CHST1: variants seen among roughly 807,000 people sequenced by gnomAD.
The protein encoded by CHST1 is carbohydrate sulfotransferase 1.
A neutral mutation model predicts 22.5 loss-of-function variants in CHST1; 10 were observed. The ratio of observed to expected loss-of-function variants is 0.44; its 90% CI spans 0.27 to 0.75. The LOEUF is 0.75. Among genes scored for constraint, CHST1 ranks in the 30% least tolerant of loss-of-function variants. CHST1 has a pLI of 0.15. For synonymous variants in CHST1, 267 were observed against 264.5 expected, an observed-to-expected ratio of 1.01 and a Z score of -0.09; for missense variants, 439 against 576.1, an observed-to-expected ratio of 0.76 and a Z score of 2.44.
chr11:45,661,721 A>T (rs1852135916), intron 1 of CHST1, among the ~76,000 whole-genome samples: 1 of 152,154 alleles, frequency 6.6e-6, no homozygotes, highest in South Asian at 2.1e-4. Context: ...TGGGCATGGG[A>T]TGTCTTTAAG....
Position 45,650,065 on chromosome 11 carries a change from G to C in CHST1, c.859C>G (p.Leu287Val). 8.1e-6 allele frequency: 13 copies of C among 1,614,140 alleles called. No individual in the cohort carries two copies. The highest frequency in any genetic ancestry group is 9.3e-6 in the Non-Finnish European group (11 of 1,180,026). ...EDFSNSVSTGLMRPPWLKGKY... is the reference protein window; with the variant it reads ...EDFSNSVSTGVMRPPWLKGKY... Reference sequence around the variant, plus strand: ...CCCTTGAGCCACGGGGGCCGCATGAGGCCGGTGGACACGGAGTTGGAGAAG... The same window carrying C: ...CCCTTGAGCCACGGGGGCCGCATGACGCCGGTGGACACGGAGTTGGAGAAG... Residue 287 changes from leucine to valine, a missense_variant, in exon 4 of 4, where the codon CTC becomes GTC. By Grantham distance (32) the Leu-to-Val change is conservative. Transcript: ENST00000308064.
chr11:45,661,795 C>A (rs1286355997), intron 1 of CHST1, among the ~76,000 whole-genome samples: 1 of 152,144 alleles, frequency 6.6e-6, no homozygotes, highest in Non-Finnish European at 1.5e-5. Context: ...GAGCAGGGAA[C>A]CTGAGGGCCA....
chr11:45,650,011 G>C lies in CHST1; in HGVS notation c.913C>G (p.Leu305Val). The change falls in exon 4 of 4, where the codon CTG becomes GTG. Residue 305 changes from leucine (L) to valine (V), a missense_variant. Leu to Val is a conservative substitution (Grantham distance 32). Coordinates refer to ENST00000308064, the MANE Select transcript of CHST1 (RefSeq NM_003654.6). ...GTCTTCTTCATAGGGTTCCGAGCCA[G>C]GTCCTCGTAGCGCACCAACATGTAC... ...GKYMLVRYED[L>V]ARNPMKKTEE... 1 of 1,614,094 alleles carries C rather than the reference G, an allele frequency of 6.2e-7. No individual in the cohort carries two copies. Among genetic ancestry groups the C allele is most frequent in the South Asian group, 1.1e-5 (1 of 91,084 alleles).
rs766005463 is a variant in CHST1, at chr11:45,650,829, T to C, written c.95A>G (p.His32Arg). The C allele has an allele frequency of 6.2e-7, 1 of 1,607,824 alleles. No homozygotes were observed. The highest frequency in any genetic ancestry group is 1.7e-5 in the Admixed American group (1 of 59,658). ...AIRTFTAKSF[H>R]TCPGLAEAGL... The stretch of plus-strand genomic sequence containing the variant: ...GGCCTCTGCCAGCCCGGGGCAGGTG[T>C]GAAAGGACTTGGCGGTGAAGGTGCG... Residue 32 changes from histidine to arginine, a missense_variant, in exon 4 of 4, where the codon CAC (histidine) becomes CGC (arginine). His to Arg is a conservative substitution (Grantham distance 29). Coordinates refer to ENST00000308064, the MANE Select transcript of CHST1 (RefSeq NM_003654.6).
intron 2 of CHST1, among the ~76,000 whole-genome samples, 156 bp from the exon 3 acceptor site, chr11:45,652,246 G>T (rs1852007735): frequency 1.3e-5 from 2 of 152,244 alleles, no homozygotes; most frequent in South Asian, 2.1e-4. Flanking sequence ...CCCTGACTCA[G>T]CGCCCCAACC....
chr11:45,653,404 G>C (rs963993713), intron 1 of CHST1, among the ~76,000 whole-genome samples: 34 of 152,142 alleles, frequency 2.2e-4, no homozygotes, highest in Non-Finnish European at 3.8e-4. Context: ...CGTGATCAGA[G>C]AAAAACCACA....
intron 1 of CHST1, among the ~76,000 whole-genome samples, chr11:45,655,208 A>G (rs180805316): frequency 2.4e-4 from 37 of 152,326 alleles, no homozygotes; most frequent in African/African-American, 8.4e-4. Context: ...GTGAGGACTA[A>G]TTAGTGAGTA....
In CHST1 at chr11:45,649,779, T is replaced by G. The variant is rs1851966256; in HGVS notation, c.1145A>C (p.Gln382Pro). Residue 382 changes from glutamine to proline, a missense_variant, in exon 4 of 4, where the codon CAG becomes CCG. Physicochemically the swap from Gln to Pro is moderately conservative, Grantham distance 76. Coordinates refer to ENST00000308064, the MANE Select transcript of CHST1 (RefSeq NM_003654.6). ...AQNACQQVLA[Q>P]LGYKIAASEE... ...CGAGGCGGCGATCTTGTAGCCCAGC[T>G]GGGCCAGCACCTGCTGGCAGGCGTT... 2 of 1,611,666 alleles carry G rather than the reference T, an allele frequency of 1.2e-6. No individual in the cohort carries two copies. Among genetic ancestry groups the G allele is most frequent in the Non-Finnish European group, 1.7e-6 (2 of 1,179,748 alleles).
chr11:45,655,523 A>G (rs1205244366), intron 1 of CHST1, among the ~76,000 whole-genome samples: 1 of 152,244 alleles, frequency 6.6e-6, no homozygotes, highest in Non-Finnish European at 1.5e-5. Context: ...ACCTGATGTG[A>G]GGATGCAGCC....
intron 1 of CHST1, among the ~76,000 whole-genome samples, chr11:45,656,684 T>C (rs1468426761): frequency 6.6e-6 from 1 of 152,110 alleles, no homozygotes; most frequent in East Asian, 1.9e-4. Context: ...GGTGCGGTAC[T>C]GAAAATCAGC....
chr11:45,650,816 C>T lies in CHST1; in HGVS notation c.108G>A (p.Gly36=). ...GCTCGGCCAGCCCGGCCTCTGCCAG[C>T]CCGGGGCAGGTGTGAAAGGACTTGG... The part of the protein sequence containing the change: ...FTAKSFHTCP[G]LAEAGLAERL... Residue 36 remains glycine, a synonymous_variant, in exon 4 of 4, where the codon GGG becomes GGA. Coordinates refer to ENST00000308064, the MANE Select transcript of CHST1 (RefSeq NM_003654.6). The T allele has an allele frequency of 1.9e-6, 3 of 1,611,348 alleles. No individual in the cohort carries two copies. The Middle Eastern group carries it at 5.0e-4, about 267-fold the overall frequency.
At position 45,649,577 on chromosome 11, in the gene CHST1, G is replaced by A; in HGVS notation, c.*111C>T. 1 of 1,135,262 alleles carries A rather than the reference G, an allele frequency of 8.8e-7. No homozygotes were observed. Among genetic ancestry groups the A allele is most frequent in the Non-Finnish European group, 1.2e-6 (1 of 802,576 alleles). The allele number at this position is 1,135,262 out of a possible 1,614,324, so 70.3% of individuals were successfully genotyped here. ...AGTGGGGTGAGCTGGGGGCAGGAAG[G>A]ACACGAAGATGAGGTGGGAGAGGGA... On this transcript the variant is annotated 3_prime_UTR_variant, in exon 4 of 4. Coordinates refer to ENST00000308064, the MANE Select transcript of CHST1 (RefSeq NM_003654.6).
At chr11:45,664,791 C>T (rs1012108910) in intron 1 of CHST1, among the ~76,000 whole-genome samples, 2 of 152,130 alleles carry the variant, frequency 1.3e-5, no homozygotes, top group African/African-American at 4.8e-5. Flanking sequence ...GGTGCGGGCG[C>T]GGGGACCTCA....
chr11:45,653,691 G>A (rs925430885), intron 1 of CHST1, among the ~76,000 whole-genome samples: 33 of 152,182 alleles, frequency 2.2e-4, no homozygotes, highest in African/African-American at 7.2e-4. Context: ...ATTTGGATAC[G>A]CTTCCTTTGT....
chr11:45,654,631 CTG>C (rs895488936), intron 1 of CHST1, among the ~76,000 whole-genome samples: 23 of 152,384 alleles, frequency 1.5e-4, no homozygotes, highest in African/African-American at 5.5e-4. Flanking sequence ...CCAAGCCAGA[CTG>C]TGGCCCCCAG....
rs45538436 is a variant in CHST1 at position 45,664,530 on chromosome 11, T to C, written c.-227+648A>G. ...CGCCCAGCATCCCAGCTAGGGTTAC[T>C]CTGGGCTGTTACCGCGAAAGCCAGC... On this transcript the variant is annotated intron_variant, in intron 1 of 3. Transcript: ENST00000308064. 5.5e-3 allele frequency among the ~76,000 whole-genome samples: 840 copies of C among 152,350 alleles called. 9 individuals are homozygous for C. Among genetic ancestry groups the C allele is most frequent in the African/African-American group, 0.018 (761 of 41,590 alleles).
chr11:45,657,835 G>A (rs1852081363), intron 1 of CHST1, among the ~76,000 whole-genome samples: 1 of 152,120 alleles, frequency 6.6e-6, no homozygotes, highest in East Asian at 1.9e-4. Flanking sequence ...CCACAAACAT[G>A]GTACTTGCGA....
At chr11:45,659,634 A>C (rs773622604) in intron 1 of CHST1, among the ~76,000 whole-genome samples, 1 of 152,044 alleles carries the variant, frequency 6.6e-6, no homozygotes, top group Non-Finnish European at 1.5e-5. Flanking sequence ...AATGATCCCA[A>C]GTGGGTGTGG....
rs751468745 is a variant in CHST1, at chr11:45,649,997, A to G, written c.927T>C (p.Pro309=). ...CGTAGATCTCCTCGGTCTTCTTCAT[A>G]GGGTTCCGAGCCAGGTCCTCGTAGC... ...LVRYEDLARN[P]MKKTEEIYGF... The change falls in exon 4 of 4, where the codon CCT becomes CCC. Residue 309 remains proline (P), a synonymous_variant. Transcript: ENST00000308064. 21 of 1,613,796 alleles carry G rather than the reference A, an allele frequency of 1.3e-5. No homozygotes were observed. The highest frequency in any genetic ancestry group is 1.7e-5 in the Non-Finnish European group (20 of 1,179,968).
Sources: allele counts gnomAD v4.1 joint callset (sites outside exome capture counted in the v4.1 genomes callset), GRCh38; gene constraint gnomAD v4.1.1; transcripts MANE v1.5; gene names NCBI Gene and HGNC (gene_info 2026-07-23, HGNC 2026-07-21).